The following FPR3 variants were observed in gnomAD, a reference collection of about 807,000 sequenced individuals.
The protein encoded by FPR3 is N-formyl peptide receptor 3.
For synonymous variants in FPR3, 135 were observed against 163.6 expected, an observed-to-expected ratio of 0.83 and a Z score of 1.34; for missense variants, 346 against 443.2, an observed-to-expected ratio of 0.78 and a Z score of 1.97.
chr19:51,813,158 A>ACC (rs1555740549), intron 1 of FPR3, among the ~76,000 whole-genome samples: 2 of 149,200 alleles, frequency 1.3e-5, no homozygotes, highest in Non-Finnish European at 3.0e-5. Context: ...ACACACACAC[A>ACC]CACCCCATAA....
intron 1 of FPR3, among the ~76,000 whole-genome samples, chr19:51,801,654 G>A (rs1385975940): frequency 6.6e-6 from 1 of 152,160 alleles, no homozygotes; most frequent in Non-Finnish European, 1.5e-5. Context: ...GATGCTGGGT[G>A]CCTGTAATCC....
At chr19:51,809,564 A>C (rs2084083508) in intron 1 of FPR3, among the ~76,000 whole-genome samples, 1 of 152,234 alleles carries the variant, frequency 6.6e-6, no homozygotes, top group Non-Finnish European at 1.5e-5. Context: ...ATTGAGCAGT[A>C]TATTGTCCCA....
intron 1 of FPR3, among the ~76,000 whole-genome samples, chr19:51,797,723 T>G (rs1351131034): frequency 1.3e-5 from 2 of 152,134 alleles, no homozygotes; most frequent in African/African-American, 4.8e-5. Flanking sequence ...TAGAAGCTAC[T>G]ATTGCTATAA....
At chr19:51,802,479 A>C (rs1019984181) in intron 1 of FPR3, among the ~76,000 whole-genome samples, 26 of 152,178 alleles carry the variant, frequency 1.7e-4, no homozygotes, top group African/African-American at 5.8e-4. Context: ...TCAGGAAAAA[A>C]TACTTCCATG....
At chr19:51,808,909 G>A (rs2084078728) in intron 1 of FPR3, among the ~76,000 whole-genome samples, 1 of 152,142 alleles carries the variant, frequency 6.6e-6, no homozygotes, top group Non-Finnish European at 1.5e-5. Context: ...CTGAGATAGG[G>A]GCCATTGATC....
At chr19:51,809,521 G>C (rs2122439952) in intron 1 of FPR3, among the ~76,000 whole-genome samples, 1 of 152,274 alleles carries the variant, frequency 6.6e-6, no homozygotes. Flanking sequence ...TCCTTTCATG[G>C]AGAAGGGTGT....
chr19:51,820,277 T>C (rs1244059782), intron 1 of FPR3, among the ~76,000 whole-genome samples: 1 of 152,230 alleles, frequency 6.6e-6, no homozygotes, highest in Non-Finnish European at 1.5e-5. Flanking sequence ...ATACATCCAG[T>C]TGTACCTCTC....
intron 1 of FPR3, among the ~76,000 whole-genome samples, chr19:51,813,540 C>T (rs1309621572): frequency 6.6e-6 from 1 of 151,218 alleles, no homozygotes; most frequent in Non-Finnish European, 1.5e-5. Flanking sequence ...GGATGTTTTC[C>T]TTTTTTTTGA....
intron 1 of FPR3, among the ~76,000 whole-genome samples, chr19:51,805,836 T>C (rs2084055344): frequency 6.6e-6 from 1 of 152,072 alleles, no homozygotes; most frequent in South Asian, 2.1e-4. Context: ...ACGGGCACAA[T>C]AAGTAACCTG....
chr19:51,824,026 T>C lies in FPR3; in HGVS notation c.278T>C (p.Phe93Ser). ...VSVAMREKWP[F>S]GSFLCKLVHV... ...GTCGCCATGAGAGAAAAATGGCCTT[T>C]TGGCTCATTCCTATGTAAGTTAGTT... The change falls in exon 2 of 2, where the codon TTT becomes TCT. Residue 93 changes from phenylalanine (F) to serine (S), a missense_variant. By Grantham distance (155) the Phe-to-Ser change is radical. Transcript: ENST00000339223. The surrounding 1 kb of genome is among the most constrained non-coding windows in gnomAD (Gnocchi z 4.7). 6.2e-7 allele frequency: 1 copy of C among 1,614,144 alleles called. No homozygotes were observed. The highest frequency in any genetic ancestry group is 8.5e-7 in the Non-Finnish European group (1 of 1,180,000).
chr19:51,802,678 C>T (rs960667926), intron 1 of FPR3, among the ~76,000 whole-genome samples: 4 of 152,130 alleles, frequency 2.6e-5, no homozygotes, highest in Non-Finnish European at 4.4e-5. Flanking sequence ...AATTACTTTA[C>T]CCTTAAGTGT....
At chr19:51,823,717 G>A (rs1209284574) in intron 1 of FPR3, 22 bp from the exon 2 acceptor site, 3 of 1,514,654 alleles carry the variant, frequency 2.0e-6, no homozygotes, top group South Asian at 2.6e-5. Context: ...GCTGAGAAAT[G>A]GCCATTGCTG....
chr19:51,810,080 C>T (rs763472216), intron 1 of FPR3, among the ~76,000 whole-genome samples: 12 of 152,110 alleles, frequency 7.9e-5, no homozygotes, highest in East Asian at 3.9e-4. Flanking sequence ...TGAGATCTGG[C>T]GGCATTCCTT....
At chr19:51,804,490 A>G (rs1014960751) in intron 1 of FPR3, among the ~76,000 whole-genome samples, 9 of 152,206 alleles carry the variant, frequency 5.9e-5, no homozygotes, top group African/African-American at 1.9e-4. Context: ...AAGTTTTACA[A>G]TTTGATTTGA....
intron 1 of FPR3, among the ~76,000 whole-genome samples, chr19:51,797,530 TAA>T (rs938714761): frequency 6.6e-6 from 1 of 152,194 alleles, no homozygotes; most frequent in Non-Finnish European, 1.5e-5. Context: ...CACCTCAATC[TAA>T]GTCTTAACTT....
chr19:51,806,381 C>CG (rs2084058952), intron 1 of FPR3, among the ~76,000 whole-genome samples: 1 of 152,202 alleles, frequency 6.6e-6, no homozygotes, highest in Non-Finnish European at 1.5e-5. Context: ...TGGGGATTTC[C>CG]ATAACACTTT....
chr19:51,795,522 T>TTTTTTTTTTTTTTTTC, intron 1 of FPR3, among the ~76,000 whole-genome samples, 191 bp downstream of exon 1: 1 of 126,560 alleles, frequency 7.9e-6, no homozygotes, highest in African/African-American at 3.1e-5. Context: ...TTTTTTTTTT[T>TTTTTTTTTTTTTTTTC]TTTTTTTTTT....
chr19:51,821,834 G>C (rs2084192190), intron 1 of FPR3, among the ~76,000 whole-genome samples: 1 of 151,944 alleles, frequency 6.6e-6, no homozygotes, highest in South Asian at 2.1e-4. Flanking sequence ...GTACAAAAAG[G>C]GGTAATGATG....
Position 51,824,515 on chromosome 19 carries a change from C to T in FPR3, c.767C>T (p.Pro256Leu). 1 of 1,614,068 alleles carries T rather than the reference C, an allele frequency of 6.2e-7. No individual in the cohort carries two copies. Among genetic ancestry groups the T allele is most frequent in the Non-Finnish European group, 8.5e-7 (1 of 1,179,992 alleles). Residue 256 changes from proline (P) to leucine (L), a missense_variant, in exon 2 of 2, where the codon CCT becomes CTT. Physicochemically the swap from Pro to Leu is moderately conservative, Grantham distance 98. Coordinates refer to ENST00000339223, the MANE Select transcript of FPR3 (RefSeq NM_002030.5). This position sits in a 1 kb window ranked among gnomAD's most constrained non-coding sequence, Gnocchi z 4.7. ...VVASFFICWFPYELIGILMAV... is the reference protein window; with the variant it reads ...VVASFFICWFLYELIGILMAV... ...GCTTCTTTCTTCATCTGTTGGTTCC[C>T]TTATGAACTAATTGGCATTCTAATG...
Sources: allele counts gnomAD v4.1 joint callset (sites outside exome capture counted in the v4.1 genomes callset), GRCh38; gene constraint gnomAD v4.1.1; non-coding constraint Gnocchi (gnomAD v3.1); transcripts MANE v1.5; gene names NCBI Gene and HGNC (gene_info 2026-07-23, HGNC 2026-07-21).